COL22A1: variants seen among roughly 807,000 people sequenced by gnomAD.
COL22A1 encodes collagen alpha-1(XXII) chain.
Under a neutral mutation model 248.9 loss-of-function variants are expected in COL22A1, and 221 were observed. The ratio of observed to expected loss-of-function variants is 0.89; its 90% CI spans 0.80 to 0.99. The LOEUF (loss-of-function observed/expected upper bound fraction) is 0.99, where lower values mean the gene tolerates loss of function less well. COL22A1 is among the 50% of genes least tolerant of loss of function. The pLI, the probability that COL22A1 is intolerant of heterozygous loss-of-function variation, is 0.00. For missense variants in COL22A1, 2,240 were observed against 2,179.0 expected (o/e 1.03, Z -0.56); for synonymous variants, 891 against 793.4 (o/e 1.12, Z -2.07).
intron 18 of COL22A1, 102 bp from the exon 19 acceptor site, chr8:138,755,931 C>A: frequency 1.1e-6 from 1 of 928,976 alleles, no homozygotes; most frequent in Middle Eastern, 2.2e-4. Flanking sequence ...GGGACCACAC[C>A]CCTCCCTGTG....
chr8:138,889,809 A>G (rs1824921627), intron 1 of COL22A1, among the ~76,000 whole-genome samples: 1 of 152,120 alleles, frequency 6.6e-6, no homozygotes, highest in Non-Finnish European at 1.5e-5. Context: ...GTTGTTCAGT[A>G]TTTTCCCAGG....
At chr8:138,912,628 T>C (rs1386062167) in intron 1 of COL22A1, among the ~76,000 whole-genome samples, 1 of 152,080 alleles carries the variant, frequency 6.6e-6, no homozygotes, top group Non-Finnish European at 1.5e-5. Context: ...TAATCCTAGC[T>C]ACTCAGGAGG....
chr8:138,651,726 CGGATGGAT>C (rs572564977), intron 45 of COL22A1, among the ~76,000 whole-genome samples: 20 of 151,896 alleles, frequency 1.3e-4, no homozygotes, highest in African/African-American at 4.1e-4. Flanking sequence ...GATGGATGCA[CGGATGGAT>C]GGATGGATGG....
intron 26 of COL22A1, among the ~76,000 whole-genome samples, chr8:138,721,774 C>T (rs116805388): frequency 0.023 from 3,542 of 152,298 alleles, 135 homozygotes; most frequent in African/African-American, 0.077. Context: ...CTGCCTAGGC[C>T]TCCCAAAATG....
At chr8:138,627,120 C>T (rs1316782806) in intron 50 of COL22A1, among the ~76,000 whole-genome samples, 1 of 152,198 alleles carries the variant, frequency 6.6e-6, no homozygotes, top group Non-Finnish European at 1.5e-5. Context: ...ATATTCAACC[C>T]TCCCCACATC....
intron 32 of COL22A1, among the ~76,000 whole-genome samples, chr8:138,699,094 C>T (rs1827752045): frequency 6.6e-6 from 1 of 152,132 alleles, no homozygotes; most frequent in South Asian, 2.1e-4. Context: ...AACATCAGGG[C>T]CTTCTCTCCC....
chr8:138,720,853 A>C, intron 26 of COL22A1, 61 bp from the exon 27 acceptor site: 1 of 1,316,938 alleles, frequency 7.6e-7, no homozygotes, highest in Non-Finnish European at 1.1e-6. Flanking sequence ...AAACAACACA[A>C]AGTACTAGGC....
chr8:138,591,393 C>T (rs557519297), intron 64 of COL22A1, 31 bp downstream of exon 64: 1 of 1,523,018 alleles, frequency 6.6e-7, no homozygotes. Context: ...TAGCTCACAC[C>T]CTACCCCTGA....
intron 35 of COL22A1, among the ~76,000 whole-genome samples, chr8:138,692,601 C>T (rs755647522): frequency 1.3e-4 from 19 of 151,880 alleles, no homozygotes; most frequent in Non-Finnish European, 1.9e-4. Flanking sequence ...TGGGTGAGGA[C>T]ATTCCAGGTG....
intron 50 of COL22A1, among the ~76,000 whole-genome samples, 173 bp downstream of exon 50, chr8:138,630,522 C>G (rs1587714852): frequency 6.6e-6 from 1 of 152,080 alleles, no homozygotes; most frequent in South Asian, 2.1e-4. Flanking sequence ...AACAGGGGTC[C>G]AACAGAAAGC....
intron 10 of COL22A1, among the ~76,000 whole-genome samples, chr8:138,806,065 G>GTGTGTGTGATGGT (rs1554632223): frequency 0.023 from 142 of 6,184 alleles, 3 homozygotes; most frequent in East Asian, 0.1. Flanking sequence ...GGTGTGTGGT[G>GTGTGTGTGATGGT]GTGTGTGTGA....
chr8:138,771,918 C>T (rs926064669), intron 16 of COL22A1, among the ~76,000 whole-genome samples: 10 of 152,172 alleles, frequency 6.6e-5, no homozygotes, highest in African/African-American at 1.9e-4. Flanking sequence ...CCGAAGCCCC[C>T]GCAGCCTCCA....
intron 59 of COL22A1, among the ~76,000 whole-genome samples, chr8:138,603,533 G>C (rs1488995743): frequency 6.6e-6 from 1 of 152,184 alleles, no homozygotes; most frequent in Non-Finnish European, 1.5e-5. Flanking sequence ...GACTTAGGAT[G>C]CCTGCTTAGC....
intron 3 of COL22A1, among the ~76,000 whole-genome samples, chr8:138,870,033 C>A (rs541079866): frequency 2.4e-4 from 36 of 151,272 alleles, no homozygotes; most frequent in African/African-American, 8.7e-4. Flanking sequence ...CACGTGAGGC[C>A]ATATGTGGAG....
intron 4 of COL22A1, among the ~76,000 whole-genome samples, chr8:138,838,737 G>A (rs1260100928): frequency 1.3e-5 from 2 of 151,640 alleles, no homozygotes; most frequent in South Asian, 4.2e-4. Flanking sequence ...AAATGTTCCC[G>A]AGGAAAGCAG....
intron 47 of COL22A1, among the ~76,000 whole-genome samples, chr8:138,643,642 A>ATAGATAGT (rs1821920089): frequency 9.7e-6 from 1 of 102,940 alleles, no homozygotes; most frequent in Non-Finnish European, 2.0e-5. Context: ...AGATAGATAG[A>ATAGATAGT]TAGATAGACA....
chr8:138,851,528 T>A (rs1418805522), intron 3 of COL22A1, among the ~76,000 whole-genome samples: 1 of 152,160 alleles, frequency 6.6e-6, no homozygotes, highest in Non-Finnish European at 1.5e-5. Flanking sequence ...GTGCCAGCCA[T>A]CACCCATGAC....
intron 22 of COL22A1, among the ~76,000 whole-genome samples, chr8:138,743,996 C>T (rs1455131932): frequency 6.6e-6 from 1 of 152,158 alleles, no homozygotes; most frequent in Non-Finnish European, 1.5e-5. Context: ...AGTTCCTGTT[C>T]TCCAGGCCTC....
rs533464962 is a variant in COL22A1 at position 138,599,480 on chromosome 8, A to AAAAAC, written c.4186-587_4186-583dup. On this transcript the variant is annotated intron_variant, in intron 60 of 64. Coordinates refer to ENST00000303045, the MANE Select transcript of COL22A1 (RefSeq NM_152888.3). ...GGCGACAGAGCAAGCCTCTGTCTCA[A>AAAAAC]AAAACAAAACAAAACAAAACAAAAC... Among the ~76,000 whole-genome samples, 586 of 152,220 alleles carry AAAAAC rather than the reference A, an allele frequency of 3.8e-3. 2 individuals are homozygous for AAAAAC. The highest frequency in any genetic ancestry group is 0.014 in the Middle Eastern group (4 of 294).
Sources: allele counts gnomAD v4.1 joint callset (sites outside exome capture counted in the v4.1 genomes callset), GRCh38; gene constraint gnomAD v4.1.1; transcripts MANE v1.5; gene names NCBI Gene and HGNC (gene_info 2026-07-23, HGNC 2026-07-21).